Variants in SH2B2 observed in about 807,000 individuals in gnomAD.
SH2B2 encodes the protein SH2B adaptor protein 2.
A neutral mutation model predicts 35.7 loss-of-function variants in SH2B2; 37 were observed. The ratio of observed to expected loss-of-function variants is 1.04; its 90% CI spans 0.80 to 1.36. The LOEUF is 1.36. Ranked by LOEUF, SH2B2 falls within the 40% of genes most tolerant of loss-of-function variation. The pLI, the probability that SH2B2 is intolerant of heterozygous loss-of-function variation, is 0.00. For synonymous variants in SH2B2, 383 were observed against 376.4 expected (o/e 1.02, Z -0.20); for missense variants, 852 against 817.7 (o/e 1.04, Z -0.51).
At chr7:102,304,430 A>T (rs1244411696) in intron 2 of SH2B2, among the ~76,000 whole-genome samples, 1 of 151,926 alleles carries the variant, frequency 6.6e-6, no homozygotes, top group Non-Finnish European at 1.5e-5. Context: ...TAGGGAAACC[A>T]CTGGGAAACC....
chr7:102,317,086 T>C, intron 6 of SH2B2, 101 bp from the exon 7 acceptor site: 2 of 959,584 alleles, frequency 2.1e-6, no homozygotes, highest in Non-Finnish European at 3.0e-6. Flanking sequence ...GCATTTTGCA[T>C]GTAAAAAAAC....
chr7:102,289,418 G>T (rs1434955792), intron 1 of SH2B2, among the ~76,000 whole-genome samples: 1 of 152,150 alleles, frequency 6.6e-6, no homozygotes, highest in African/African-American at 2.4e-5. Flanking sequence ...TGCTATTGGG[G>T]CAGAACAGGG....
At chr7:102,309,376 T>C in intron 4 of SH2B2, 1 of 340,948 alleles carries the variant, frequency 2.9e-6, no homozygotes, top group Non-Finnish European at 5.7e-6. Flanking sequence ...TTTTTTTTTT[T>C]TTGAGACAGG....
At chr7:102,300,310 G>A (rs191330769) in intron 1 of SH2B2, among the ~76,000 whole-genome samples, 398 of 152,276 alleles carry the variant, frequency 2.6e-3, no homozygotes, top group African/African-American at 8.4e-3. Context: ...GATTACAGGC[G>A]TGGGCCACCG....
At chr7:102,288,049 T>C (rs1554551147) in intron 1 of SH2B2, among the ~76,000 whole-genome samples, 3 of 152,164 alleles carry the variant, frequency 2.0e-5, no homozygotes, top group South Asian at 2.1e-4. Context: ...GGGATGGTGC[T>C]GCCTGCCTCC....
rs1365115739 is a variant in SH2B2 at position 102,300,870 on chromosome 7, T to G, written c.320T>G (p.Leu107Arg). Residue 107 changes from leucine (L) to arginine (R), a missense_variant, in exon 2 of 9, where the codon CTC becomes CGC. Leu to Arg is a moderately radical substitution (Grantham distance 102, BLOSUM62 -2). Around this residue, in one of 3 missense-constraint regions of SH2B2, gnomAD observed 294 missense variants for 286.6 expected, o/e 1.03. Coordinates refer to ENST00000444095, the MANE Select transcript of SH2B2 (RefSeq NM_001359228.2). ...CCGGAGCTCGCGGACACCTCTGCAC[T>G]CAAGGCGGCGCCCTACGGCCACTCG... ...MEPELADTSA[L>R]KAAPYGHSRS... is the part of the protein sequence containing the mutation. 3.4e-6 allele frequency: 5 copies of G among 1,462,102 alleles called. No homozygotes were observed. In the Admixed American group the frequency reaches 7.8e-5, roughly 23 times the overall value. The allele number at this position is 1,462,102 out of a possible 1,614,324, so 90.6% of individuals were successfully genotyped here. A position where few individuals can be genotyped will look rare whatever the true frequency, so the allele number is the denominator to read the frequency against.
At chr7:102,289,439 G>A (rs1233213371) in intron 1 of SH2B2, among the ~76,000 whole-genome samples, 2 of 152,162 alleles carry the variant, frequency 1.3e-5, no homozygotes, top group Non-Finnish European at 2.9e-5. Context: ...GAAGTAGGCA[G>A]TGCCCAGCTG....
At chr7:102,299,632 G>A (rs1213592203) in intron 1 of SH2B2, among the ~76,000 whole-genome samples, 2 of 152,098 alleles carry the variant, frequency 1.3e-5, no homozygotes, top group African/African-American at 4.8e-5. Context: ...ATCCCAGGAC[G>A]GCAGCCTGGA....
chr7:102,311,599 CTA>C (rs1353424767), intron 4 of SH2B2, among the ~76,000 whole-genome samples: 1 of 133,468 alleles, frequency 7.5e-6, no homozygotes, highest in Non-Finnish European at 1.5e-5. Context: ...CGGGATCGTG[CTA>C]TGTTGTCCAG....
intron 1 of SH2B2, among the ~76,000 whole-genome samples, chr7:102,299,784 C>A (rs1010927722): frequency 6.6e-6 from 1 of 152,134 alleles, no homozygotes; most frequent in Admixed American, 6.5e-5. Context: ...CTCATGGGGA[C>A]CCCACTTGAA....
intron 1 of SH2B2, among the ~76,000 whole-genome samples, chr7:102,293,541 G>C (rs1022677741): frequency 1.3e-5 from 2 of 151,854 alleles, no homozygotes; most frequent in Non-Finnish European, 2.9e-5. Context: ...CCGGAGGTGG[G>C]GGGGTGTAAT....
chr7:102,297,823 A>G lies in SH2B2; in HGVS notation c.-29-2699A>G, dbSNP rs549855102. On this transcript the variant is annotated intron_variant, in intron 1 of 8. Coordinates refer to ENST00000444095, the MANE Select transcript of SH2B2 (RefSeq NM_001359228.2). This position sits in a 1 kb window ranked among gnomAD's most constrained non-coding sequence, Gnocchi z 4.3. ...AGGGGGTGGAGGGGACACACAACCA[A>G]GCAACTAAATATATGATATGACAGC... Among the ~76,000 whole-genome samples the G allele has an allele frequency of 1.3e-5, 2 of 152,314 alleles. No homozygotes were observed. The highest frequency in any genetic ancestry group is 1.3e-4 in the Admixed American group (2 of 15,302).
intron 2 of SH2B2, among the ~76,000 whole-genome samples, chr7:102,302,850 A>G (rs1320113145): frequency 1.3e-5 from 2 of 151,946 alleles, no homozygotes; most frequent in Admixed American, 1.3e-4. Flanking sequence ...CCCAAGAGGC[A>G]GAGGTTGCAG....
At chr7:102,290,021 T>C (rs1416640285) in intron 1 of SH2B2, among the ~76,000 whole-genome samples, 2 of 152,054 alleles carry the variant, frequency 1.3e-5, no homozygotes, top group Non-Finnish European at 2.9e-5. Context: ...CTTGTTGTCC[T>C]GGCCCCCACT....
Position 102,321,479 on chromosome 7 carries a change from C to A in SH2B2, c.1748C>A (p.Pro583Gln), listed in dbSNP as rs1271151529. The part of the protein sequence containing the change: ...SSSAASGPAP[P>Q]RPVEGQLSAR... ...TCTGCCGCGTCGGGGCCCGCCCCCC[C>A]GCGCCCCGTCGAGGGCCAGCTCAGC... Residue 583 changes from proline to glutamine, a missense_variant, in exon 9 of 9, where the codon CCG (proline) becomes CAG (glutamine). By Grantham distance (76) the Pro-to-Gln change is moderately conservative (BLOSUM62 -1). Coordinates refer to ENST00000444095, the MANE Select transcript of SH2B2 (RefSeq NM_001359228.2). 1.6e-5 allele frequency: 19 copies of A among 1,182,628 alleles called. No homozygotes were observed. The highest frequency in any genetic ancestry group is 1.9e-5 in the Non-Finnish European group (18 of 954,454). 73.3% of individuals were successfully genotyped at this position (1,182,628 alleles called of 1,614,324 possible).
intron 3 of SH2B2, among the ~76,000 whole-genome samples, chr7:102,307,446 C>T (rs1176629226): frequency 6.6e-6 from 1 of 152,190 alleles, no homozygotes; most frequent in Non-Finnish European, 1.5e-5. Flanking sequence ...ACCCACTCAT[C>T]CTGCATGAAG....
At chr7:102,305,470 T>G (rs1043907071) in intron 2 of SH2B2, among the ~76,000 whole-genome samples, 1 of 152,080 alleles carries the variant, frequency 6.6e-6, no homozygotes, top group Non-Finnish European at 1.5e-5. Context: ...TTCATCATGT[T>G]GCCCAGGCTG....
chr7:102,291,135 G>A (rs1235159457), intron 1 of SH2B2, among the ~76,000 whole-genome samples: 2 of 152,178 alleles, frequency 1.3e-5, no homozygotes, highest in Non-Finnish European at 2.9e-5. Flanking sequence ...CCAGGCAGTG[G>A]GGCTCCCTTT....
At chr7:102,319,372 G>A (rs1024543117) in intron 7 of SH2B2, among the ~76,000 whole-genome samples, 1 of 152,144 alleles carries the variant, frequency 6.6e-6, no homozygotes, top group South Asian at 2.1e-4. Context: ...TTGTGGGACC[G>A]CCACCCCGCT....
Sources: allele counts gnomAD v4.1 joint callset (sites outside exome capture counted in the v4.1 genomes callset), GRCh38; gene constraint gnomAD v4.1.1; regional missense constraint gnomAD v4.1.1; non-coding constraint Gnocchi (gnomAD v3.1); transcripts MANE v1.5; gene names NCBI Gene and HGNC (gene_info 2026-07-23, HGNC 2026-07-21).